The following ERC2 variants were observed in gnomAD, a reference collection of about 807,000 sequenced individuals.
ERC2 encodes the protein ERC protein 2.
A neutral mutation model predicts 114.8 loss-of-function variants in ERC2; 42 were observed. The observed-to-expected ratio is 0.37, with a 90% CI of 0.29 to 0.47. The LOEUF is 0.47. ERC2 is among the 20% of genes least tolerant of loss of function. ERC2 has a pLI of 0.99. For synonymous variants in ERC2, 454 were observed against 425.5 expected (o/e 1.07, Z -0.82); for missense variants, 939 against 1,150.7 (o/e 0.82, Z 2.66).
chr3:55,954,693 A>G (rs2067820163), intron 12 of ERC2, among the ~76,000 whole-genome samples: 1 of 152,220 alleles, frequency 6.6e-6, no homozygotes, highest in Non-Finnish European at 1.5e-5. Context: ...GAATGCAGGA[A>G]TCTAGCTCTC....
intron 17 of ERC2, among the ~76,000 whole-genome samples, chr3:55,538,253 T>C (rs564677941): frequency 5.9e-5 from 9 of 152,342 alleles, no homozygotes; most frequent in Admixed American, 2.6e-4. Context: ...TGGATGAATG[T>C]CAATGTCACC....
chr3:55,842,578 G>T (rs544116697), intron 14 of ERC2, among the ~76,000 whole-genome samples: 1 of 152,006 alleles, frequency 6.6e-6, no homozygotes, highest in South Asian at 2.1e-4. Context: ...ACTGACAAGT[G>T]CTCTGGTTAA....
At chr3:56,181,459 C>T (rs999192053) in intron 3 of ERC2, among the ~76,000 whole-genome samples, 1 of 152,178 alleles carries the variant, frequency 6.6e-6, no homozygotes, top group African/African-American at 2.4e-5. Context: ...TGACAGAGAA[C>T]ATATGGCCCT....
chr3:56,105,773 T>C (rs1038815335), intron 6 of ERC2, among the ~76,000 whole-genome samples: 1 of 152,196 alleles, frequency 6.6e-6, no homozygotes, highest in Non-Finnish European at 1.5e-5. Context: ...GTGAGGAGGA[T>C]GAACAGTAGA....
intron 13 of ERC2, among the ~76,000 whole-genome samples, chr3:55,898,173 GA>G (rs759012491): frequency 7.2e-4 from 109 of 152,286 alleles, no homozygotes; most frequent in Non-Finnish European, 1.1e-3. Context: ...GAGTACAAAT[GA>G]ATGACACTTT....
intron 6 of ERC2, among the ~76,000 whole-genome samples, chr3:56,129,387 G>A (rs2080071114): frequency 6.6e-6 from 1 of 152,168 alleles, no homozygotes; most frequent in South Asian, 2.1e-4. Flanking sequence ...ATGTAAACTG[G>A]TTATTTCCAA....
At chr3:56,387,613 C>T (rs2059980666) in intron 2 of ERC2, among the ~76,000 whole-genome samples, 1 of 152,152 alleles carries the variant, frequency 6.6e-6, no homozygotes, top group African/African-American at 2.4e-5. Flanking sequence ...TGCATCCAAG[C>T]CCTTGGACTG....
intron 7 of ERC2, among the ~76,000 whole-genome samples, chr3:56,059,306 G>T (rs2076150064): frequency 6.6e-6 from 1 of 152,072 alleles, no homozygotes; most frequent in African/African-American, 2.4e-5. Context: ...GGCCACGGTG[G>T]TCTCGATCTC....
rs139211153 is a variant in ERC2, at chr3:55,704,763, A to G, written c.2713-5251T>C. On this transcript the variant is annotated intron_variant, in intron 15 of 17. Coordinates refer to ENST00000288221, the MANE Select transcript of ERC2 (RefSeq NM_015576.3). ...TTAAAGGAATGTGCCGCATTGGGGA[A>G]CTTTCTGGGAGTATGTAAGAATAAA... Among the ~76,000 whole-genome samples the G allele has an allele frequency of 5.9e-5, 9 of 152,336 alleles. No homozygotes were observed. In the East Asian group the frequency reaches 1.5e-3, roughly 26 times the overall value.
At chr3:56,311,442 G>C (rs1193391468) in intron 2 of ERC2, among the ~76,000 whole-genome samples, 1 of 150,974 alleles carries the variant, frequency 6.6e-6, no homozygotes, top group East Asian at 1.9e-4. Flanking sequence ...GGGACTACAG[G>C]TGCCCGCCAC....
chr3:55,988,690 G>A (rs1012951462), intron 11 of ERC2, among the ~76,000 whole-genome samples: 4 of 152,180 alleles, frequency 2.6e-5, no homozygotes, highest in African/African-American at 9.7e-5. Flanking sequence ...CACTCTGGTA[G>A]GTCACATTAC....
intron 1 of ERC2, among the ~76,000 whole-genome samples, chr3:56,443,448 G>A (rs759487093): frequency 9.2e-5 from 14 of 152,162 alleles, no homozygotes; most frequent in South Asian, 2.1e-4. Context: ...TTTCACCCCC[G>A]GCTGCAGCAC....
chr3:56,172,078 A>G (rs561348930), intron 4 of ERC2, among the ~76,000 whole-genome samples: 29 of 150,522 alleles, frequency 1.9e-4, no homozygotes, highest in African/African-American at 7.1e-4. Flanking sequence ...TTTGATTCCA[A>G]TGTGAAGTGA....
At chr3:56,377,032 C>G (rs1481981712) in intron 2 of ERC2, among the ~76,000 whole-genome samples, 1 of 152,160 alleles carries the variant, frequency 6.6e-6, no homozygotes, top group African/African-American at 2.4e-5. Context: ...CACCTCCCCC[C>G]ATCACGATCC....
At chr3:55,755,155 G>T (rs1299952263) in intron 14 of ERC2, among the ~76,000 whole-genome samples, 1 of 151,296 alleles carries the variant, frequency 6.6e-6, no homozygotes, top group African/African-American at 2.4e-5. Flanking sequence ...CCCCCATAAA[G>T]AGGGATTATA....
At chr3:56,087,299 G>A (rs2077555044) in intron 6 of ERC2, among the ~76,000 whole-genome samples, 1 of 151,612 alleles carries the variant, frequency 6.6e-6, no homozygotes, top group South Asian at 2.1e-4. Flanking sequence ...TCAGTTCCAG[G>A]TAATAACTTG....
chr3:56,384,652 G>A (rs557464193), intron 2 of ERC2, among the ~76,000 whole-genome samples: 6 of 151,974 alleles, frequency 3.9e-5, no homozygotes, highest in Non-Finnish European at 7.4e-5. Flanking sequence ...CCATTCTGTG[G>A]ACTGCTTTTT....
chr3:56,394,948 G>A (rs908531667), intron 2 of ERC2, among the ~76,000 whole-genome samples: 3 of 151,780 alleles, frequency 2.0e-5, no homozygotes, highest in Middle Eastern at 3.2e-3. Context: ...ACAAAATGTG[G>A]TATATCCATA....
Position 55,770,501 on chromosome 3 carries a change from T to A in ERC2, c.2565-35583A>T, listed in dbSNP as rs184067158. 2.6e-5 allele frequency among the ~76,000 whole-genome samples: 4 copies of A among 152,338 alleles called. No homozygotes were observed. In the East Asian group the frequency reaches 7.7e-4, roughly 29 times the overall value. On this transcript the variant is annotated intron_variant, in intron 14 of 17. Transcript: ENST00000288221. ...CTGGAACAGAGGAGTGAGTGCCCCCTTCCCCCTTTGATGGGCAGATGCTCT... is the reference window on the plus strand; with the variant it reads ...CTGGAACAGAGGAGTGAGTGCCCCCATCCCCCTTTGATGGGCAGATGCTCT...
Sources: gnomAD v4.1 joint callset for allele counts (sites outside exome capture counted in the v4.1 genomes callset) on GRCh38, gnomAD v4.1.1 for gene constraint, MANE v1.5 for transcripts, NCBI Gene and HGNC (gene_info 2026-07-23, HGNC 2026-07-21) for gene names.